WIF1: variants seen among roughly 807,000 people sequenced by gnomAD.
WIF1 encodes Wnt inhibitory factor 1.
In WIF1, 35 loss-of-function variants were observed where a neutral mutation model predicts 53.5. That is an observed-to-expected ratio of 0.65 (90% CI 0.50 to 0.87). WIF1 has a LOEUF of 0.87. Among genes scored for constraint, WIF1 ranks in the 40% least tolerant of loss-of-function variants. The probability of loss-of-function intolerance (pLI) is 0.00; values close to 1 mark genes in which losing one functional copy is unlikely to be tolerated. For missense variants in WIF1, 467 were observed against 476.8 expected, an observed-to-expected ratio of 0.98 and a Z score of 0.19; for synonymous variants, 171 against 170.4, an observed-to-expected ratio of 1.00 and a Z score of -0.03.
chr12:65,055,035 A>G, intron 9 of WIF1, 83 bp downstream of exon 9: 1 of 1,406,948 alleles, frequency 7.1e-7, no homozygotes, highest in Non-Finnish European at 9.8e-7. Context: ...CCGAAGTGAA[A>G]AGGCTGGCCC....
At chr12:65,074,259 A>G (rs1403780654) in intron 3 of WIF1, among the ~76,000 whole-genome samples, 2 of 151,974 alleles carry the variant, frequency 1.3e-5, no homozygotes, top group African/African-American at 4.8e-5. Context: ...CTAGACACAA[A>G]AAGTGAAAAA....
chr12:65,074,385 C>G (rs1022048347), intron 3 of WIF1, among the ~76,000 whole-genome samples: 1 of 151,598 alleles, frequency 6.6e-6, no homozygotes, highest in African/African-American at 2.4e-5. Context: ...CTATGATGAG[C>G]TTATATTCCT....
rs12322409 is a variant in WIF1, at chr12:65,062,589, G to A, written c.731-13C>T. The A allele has an allele frequency of 2.6e-3, 4,117 of 1,596,192 alleles. 99 individuals carry two copies. The African/African-American group carries it at 0.049, about 19-fold the overall frequency. On this transcript the variant is annotated splice_polypyrimidine_tract_variant and intron_variant, in intron 6 of 9. Transcript: ENST00000286574. ...GTTGAGCAGTTTGCTGTTAGAATGA[G>A]TAACAGGGGTGTTGCATTAGACAGT...
At chr12:65,095,499 G>A (rs1187193140) in intron 2 of WIF1, among the ~76,000 whole-genome samples, 1 of 152,070 alleles carries the variant, frequency 6.6e-6, no homozygotes, top group African/African-American at 2.4e-5. Flanking sequence ...ATTCCTAGAG[G>A]CAGATATGAT....
chr12:65,100,093 CT>C (rs1883258340), intron 2 of WIF1, among the ~76,000 whole-genome samples: 2 of 152,232 alleles, frequency 1.3e-5, no homozygotes, highest in Admixed American at 1.3e-4. Flanking sequence ...AAATATTTTA[CT>C]CATTCATTTA....
intron 2 of WIF1, among the ~76,000 whole-genome samples, chr12:65,109,583 C>T (rs1051580437): frequency 6.6e-6 from 1 of 152,196 alleles, no homozygotes; most frequent in Non-Finnish European, 1.5e-5. Flanking sequence ...TCAGTTAAAG[C>T]TTGTATTCTT....
intron 2 of WIF1, among the ~76,000 whole-genome samples, chr12:65,086,243 G>A (rs1186174401): frequency 6.6e-6 from 1 of 152,064 alleles, no homozygotes; most frequent in Admixed American, 6.6e-5. Context: ...AATTTATAAT[G>A]GAAAGGGTGG....
At chr12:65,052,662 T>C (rs1229250331) in intron 9 of WIF1, among the ~76,000 whole-genome samples, 1 of 152,146 alleles carries the variant, frequency 6.6e-6, no homozygotes, top group East Asian at 1.9e-4. Context: ...CTGGGTGACC[T>C]CTCCTGGAAA....
chr12:65,063,511 C>A (rs976126011), intron 6 of WIF1, among the ~76,000 whole-genome samples: 2 of 151,968 alleles, frequency 1.3e-5, no homozygotes, highest in South Asian at 4.1e-4. Flanking sequence ...CTAAAATAAG[C>A]TTCCAGTAGG....
intron 2 of WIF1, among the ~76,000 whole-genome samples, chr12:65,113,206 TAGA>T (rs1413311435): frequency 1.3e-5 from 2 of 152,114 alleles, no homozygotes; most frequent in African/African-American, 4.8e-5. Context: ...ATTACTGCAG[TAGA>T]AGAAGCCCTG....
chr12:65,120,748 T>G, intron 1 of WIF1, 192 bp from the exon 2 acceptor site: 1 of 826,384 alleles, frequency 1.2e-6, no homozygotes, highest in Non-Finnish European at 1.8e-6. Context: ...AACAGACCCA[T>G]GCTTTCAGGG....
At chr12:65,082,493 A>G (rs1882964530) in intron 2 of WIF1, among the ~76,000 whole-genome samples, 2 of 152,222 alleles carry the variant, frequency 1.3e-5, no homozygotes, top group Non-Finnish European at 2.9e-5. Context: ...GAATGGGTCT[A>G]TTCAGGAGAA....
chr12:65,062,355 G>A lies in WIF1; in HGVS notation c.826+126C>T, dbSNP rs577659034. 17 of 822,954 alleles carry A rather than the reference G, an allele frequency of 2.1e-5. No individual in the cohort carries two copies. In the East Asian group the frequency reaches 4.2e-4, roughly 20 times the overall value. The allele number at this position is 822,954 out of a possible 1,614,324, so 51.0% of individuals were successfully genotyped here. A position where few individuals can be genotyped will look rare whatever the true frequency, so the allele number is the denominator to read the frequency against. On this transcript the variant is annotated intron_variant, in intron 7 of 9. Transcript: ENST00000286574. ...TGAATCTAGCAAAAAGAAACCACTG[G>A]CCTAAGACCTTAGACAAGTTATTCA...
At position 65,121,203 on chromosome 12, in the gene WIF1, C is replaced by T; in HGVS notation, c.-12G>A. 6.8e-7 allele frequency: 1 copy of T among 1,477,518 alleles called. No homozygotes were observed. The allele number at this position is 1,477,518 out of a possible 1,614,324, so 91.5% of individuals were successfully genotyped here. ...CTCCTCCGGGCCATGCTGCTCAGGA[C>T]CTCCTCGCTGCCGGGAAAACTCCTC... On this transcript the variant is annotated 5_prime_UTR_variant, in exon 1 of 10. Transcript: ENST00000286574.
At chr12:65,106,623 G>C (rs1027764494) in intron 2 of WIF1, among the ~76,000 whole-genome samples, 1 of 152,154 alleles carries the variant, frequency 6.6e-6, no homozygotes, top group African/African-American at 2.4e-5. Context: ...TGGGATTACA[G>C]GCGTGAGCCA....
chr12:65,088,924 A>G (rs2136628596), intron 2 of WIF1, among the ~76,000 whole-genome samples: 1 of 152,272 alleles, frequency 6.6e-6, no homozygotes, highest in East Asian at 1.9e-4. Context: ...AAAAGAATCT[A>G]TGACTCAAAA....
chr12:65,084,336 G>A (rs1424072541), intron 2 of WIF1, among the ~76,000 whole-genome samples: 1 of 152,140 alleles, frequency 6.6e-6, no homozygotes, highest in Non-Finnish European at 1.5e-5. Context: ...CCTGCTTATG[G>A]ATGGGATAAG....
chr12:65,067,934 T>G, intron 4 of WIF1, 144 bp from the exon 5 acceptor site: 10 of 645,826 alleles, frequency 1.5e-5, no homozygotes, highest in East Asian at 3.0e-5. Context: ...TTCCAACTCA[T>G]TCCCTCGATA....
intron 3 of WIF1, 146 bp downstream of exon 3, chr12:65,077,600 G>A (rs962514470): frequency 3.3e-6 from 2 of 613,110 alleles, no homozygotes; most frequent in African/African-American, 1.9e-5. Flanking sequence ...TTTGCCCAAA[G>A]AATAACAGTC....
Sources: allele counts gnomAD v4.1 joint callset (sites outside exome capture counted in the v4.1 genomes callset), GRCh38; gene constraint gnomAD v4.1.1; transcripts MANE v1.5; gene names NCBI Gene and HGNC (gene_info 2026-07-23, HGNC 2026-07-21).